HNRNPA2B1: variants seen among roughly 807,000 people sequenced by gnomAD.
HNRNPA2B1 encodes heterogeneous nuclear ribonucleoprotein A2/B1.
Under a neutral mutation model 46.3 loss-of-function variants are expected in HNRNPA2B1, and 3 were observed. That is an observed-to-expected ratio of 0.06 (90% confidence interval 0.03 to 0.17). The LOEUF is 0.17. Ranked by LOEUF, HNRNPA2B1 falls within the 10% of genes least tolerant of loss-of-function variation. The pLI is 1.00. For missense variants in HNRNPA2B1, 221 were observed against 418.9 expected (o/e 0.53, Z 4.12); for synonymous variants, 225 against 133.8 (o/e 1.68, Z -4.70).
chr7:26,194,424 C>T (rs1035006380), intron 7 of HNRNPA2B1, among the ~76,000 whole-genome samples: 3 of 151,800 alleles, frequency 2.0e-5, no homozygotes, highest in African/African-American at 4.8e-5. Context: ...CTTGGCTGGG[C>T]GCAGCAGCTC....
At chr7:26,197,918 A>G (rs938591908) in intron 1 of HNRNPA2B1, 186 bp from the exon 2 acceptor site, 14 of 1,410,356 alleles carry the variant, frequency 9.9e-6, no homozygotes, top group Admixed American at 4.5e-5. Flanking sequence ...GTTAAACTGC[A>G]TATTAGTTGT....
intron 4 of HNRNPA2B1, 50 bp downstream of exon 4, chr7:26,196,757 A>G: frequency 1.3e-6 from 2 of 1,578,456 alleles, no homozygotes; most frequent in African/African-American, 2.7e-5. Flanking sequence ...TAACATACAC[A>G]AAATTGAATA....
At chr7:26,192,414 T>TA (rs1310343632) in intron 10 of HNRNPA2B1, 76 bp from the exon 11 acceptor site, 1 of 918,814 alleles carries the variant, frequency 1.1e-6, no homozygotes, top group Non-Finnish European at 1.8e-6. Context: ...TAAGGAAAGA[T>TA]AACATGATCC....
At position 26,190,982 on chromosome 7, in the gene HNRNPA2B1, C is replaced by T. The variant is rs1200529073; in HGVS notation, c.*1378G>A. 6.6e-6 allele frequency: 1 copy of T among 152,604 alleles called. No homozygotes were observed. Among genetic ancestry groups the T allele is most frequent in the Admixed American group, 6.5e-5 (1 of 15,280 alleles). 9.5% of individuals were successfully genotyped at this position (152,604 alleles called of 1,614,324 possible). ...ATGATTTATTGAACTTGCAGCCTAA[C>T]TTTTACCTACCATTTTACTACCAAC... On this transcript the variant is annotated 3_prime_UTR_variant, in exon 11 of 11. Coordinates refer to ENST00000618183, the MANE Select transcript of HNRNPA2B1 (RefSeq NM_002137.4).
chr7:26,198,130 A>G, intron 1 of HNRNPA2B1: 1 of 324,966 alleles, frequency 3.1e-6, no homozygotes, highest in Non-Finnish European at 5.5e-6. Context: ...CAACCTAAAA[A>G]CGCAAATTTC....
intron 9 of HNRNPA2B1, 126 bp downstream of exon 9, chr7:26,193,125 C>T: frequency 1.1e-6 from 1 of 917,068 alleles, no homozygotes; most frequent in Non-Finnish European, 1.6e-6. Flanking sequence ...TCTTTATTTT[C>T]ACTAAGACCG....
In HNRNPA2B1 at chr7:26,200,714, C is replaced by G. The variant is rs1004869873; in HGVS notation, c.-137G>C. On this transcript the variant is annotated 5_prime_UTR_variant, in exon 1 of 11. Transcript: ENST00000618183. ...GCTCGAGAAACAACTCTGCGAGGAGCACCTCCGCACGGGACCCGGCGCTGC... is the reference window on the plus strand; with the variant it reads ...GCTCGAGAAACAACTCTGCGAGGAGGACCTCCGCACGGGACCCGGCGCTGC... 19 of 1,091,486 alleles carry G rather than the reference C, an allele frequency of 1.7e-5. No homozygotes were observed. The highest frequency in any genetic ancestry group is 2.4e-5 in the Non-Finnish European group (17 of 717,180). 67.6% of individuals were successfully genotyped at this position (1,091,486 alleles called of 1,614,324 possible).
In HNRNPA2B1 at chr7:26,190,903, A is replaced by C. The variant is rs1782839936; in HGVS notation, c.*1457T>G. On this transcript the variant is annotated 3_prime_UTR_variant, in exon 11 of 11. Coordinates refer to ENST00000618183, the MANE Select transcript of HNRNPA2B1 (RefSeq NM_002137.4). ...TTAATAAAAACCCCTAGTTCACTCAAAATGTTTGATCCAAGAAATGTGAAT... is the reference window on the plus strand; with the variant it reads ...TTAATAAAAACCCCTAGTTCACTCACAATGTTTGATCCAAGAAATGTGAAT... The C allele has an allele frequency of 6.6e-6, 1 of 152,648 alleles. No individual in the cohort carries two copies. Among genetic ancestry groups the C allele is most frequent in the South Asian group, 2.1e-4 (1 of 4,832 alleles). 9.5% of individuals were successfully genotyped at this position (152,648 alleles called of 1,614,324 possible).
Position 26,195,921 on chromosome 7 carries a change from CAA to C in HNRNPA2B1, c.659-14_659-13del, listed in dbSNP as rs754016775. The C allele has an allele frequency of 2.5e-6, 4 of 1,595,776 alleles. No individual in the cohort carries two copies. The highest frequency in any genetic ancestry group is 2.3e-5 in the South Asian group (2 of 87,682). ...ACTGCCATATCCATCTGTTAGGGGCCAAAAAAAGATTACGTTTACTATAAACT... is the reference window on the plus strand; with the variant it reads ...ACTGCCATATCCATCTGTTAGGGGCCAAAAAGATTACGTTTACTATAAACT... On this transcript the variant is annotated splice_polypyrimidine_tract_variant and intron_variant, in intron 6 of 10. Coordinates refer to ENST00000618183, the MANE Select transcript of HNRNPA2B1 (RefSeq NM_002137.4).
At position 26,194,952 on chromosome 7, in the gene HNRNPA2B1, G is replaced by A. The variant is rs543289272; in HGVS notation, c.721+895C>T. Among the ~76,000 whole-genome samples, 9 of 151,440 alleles carry A rather than the reference G, an allele frequency of 5.9e-5. No homozygotes were observed. In the East Asian group the frequency reaches 1.8e-3, roughly 29 times the overall value. ...CTACTAAAAATACTAAAATTAGCTG[G>A]GCGTGGTGGTGCACGCCGGTAATCC... On this transcript the variant is annotated intron_variant, in intron 7 of 10. Transcript: ENST00000618183.
intron 7 of HNRNPA2B1, chr7:26,195,579 G>A (rs377171388): frequency 2.4e-6 from 1 of 414,666 alleles, no homozygotes. Context: ...CACGTACAAA[G>A]ATATATCTAG....
rs1373635424 is a variant in HNRNPA2B1 at position 26,193,261 on chromosome 7, T to A, written c.954A>T (p.Pro318=). ...ATTTTTATAAATTACCTCCACCATA[T>A]GGTCCCCCCATGTTCCTGCTACCAC... ...NFGGSRNMGG[P]YGGGNYGPGG... is the part of the protein sequence containing the mutation. Residue 318 remains proline, a synonymous_variant, in exon 9 of 11, where the codon CCA becomes CCT. Coordinates refer to ENST00000618183, the MANE Select transcript of HNRNPA2B1 (RefSeq NM_002137.4). 1.9e-6 allele frequency: 3 copies of A among 1,612,870 alleles called. No individual in the cohort carries two copies. Among genetic ancestry groups the A allele is most frequent in the Non-Finnish European group, 2.5e-6 (3 of 1,179,588 alleles).
chr7:26,196,513 C>G lies in HNRNPA2B1; in HGVS notation c.578-32G>C, dbSNP rs756856297. Reference sequence around the variant, plus strand: ...TAAATGCCCCAGTTAGAAGCAAGCCCTTATATATGAACAAAAATAAAGAAG... The same window carrying G: ...TAAATGCCCCAGTTAGAAGCAAGCCGTTATATATGAACAAAAATAAAGAAG... On this transcript the variant is annotated intron_variant, in intron 5 of 10. Coordinates refer to ENST00000618183, the MANE Select transcript of HNRNPA2B1 (RefSeq NM_002137.4). 2.5e-6 allele frequency: 4 copies of G among 1,612,974 alleles called. No homozygotes were observed. In the Admixed American group the frequency reaches 5.0e-5, roughly 20 times the overall value.
chr7:26,195,307 A>T (rs747655217), intron 7 of HNRNPA2B1, among the ~76,000 whole-genome samples: 7 of 152,158 alleles, frequency 4.6e-5, no homozygotes, highest in Non-Finnish European at 1.0e-4. Context: ...CCTTGTTACA[A>T]AATCTGTCAG....
At position 26,193,306 on chromosome 7, in the gene HNRNPA2B1, T is replaced by C. The variant is rs929032148; in HGVS notation, c.909A>G (p.Pro303=). 2 of 1,612,824 alleles carry C rather than the reference T, an allele frequency of 1.2e-6. No individual in the cohort carries two copies. Among genetic ancestry groups the C allele is most frequent in the African/African-American group, 2.7e-5 (2 of 74,892 alleles). Residue 303 remains proline (P), a synonymous_variant, in exon 9 of 11, where the codon CCA becomes CCG. Coordinates refer to ENST00000618183, the MANE Select transcript of HNRNPA2B1 (RefSeq NM_002137.4). ...TACCACCAAAGTTTCCACTCTTCAT[T>C]GGACCGTAGTTAGAAGGTTGCTGGT... ...NYNQQPSNYG[P]MKSGNFGGSR...
At chr7:26,198,553 T>C (rs1414830658) in intron 1 of HNRNPA2B1, 2 of 152,224 alleles carry the variant, frequency 1.3e-5, no homozygotes, top group African/African-American at 4.8e-5. Context: ...AGATAACAAT[T>C]ACTGAAAGCT....
chr7:26,197,525 T>G (rs938649508), intron 2 of HNRNPA2B1, 64 bp from the exon 3 acceptor site: 1 of 1,582,166 alleles, frequency 6.3e-7, no homozygotes, highest in Non-Finnish European at 8.7e-7. Context: ...GAAGTCATAA[T>G]AGAATTTTTT....
rs1784344964 is a variant in HNRNPA2B1, at chr7:26,200,734, C to A, written c.-157G>T. On this transcript the variant is annotated 5_prime_UTR_variant, in exon 1 of 11. Coordinates refer to ENST00000618183, the MANE Select transcript of HNRNPA2B1 (RefSeq NM_002137.4). The stretch of plus-strand genomic sequence containing the variant: ...AGGAGCACCTCCGCACGGGACCCGG[C>A]GCTGCTGCTACTGCCGCTAGAGCCG... The A allele has an allele frequency of 1.1e-6, 1 of 907,120 alleles. No homozygotes were observed. The highest frequency in any genetic ancestry group is 2.4e-5 in the East Asian group (1 of 40,918). The allele number at this position is 907,120 out of a possible 1,614,324, so 56.2% of individuals were successfully genotyped here.
chr7:26,197,129 T>C lies in HNRNPA2B1; in HGVS notation c.265-112A>G, dbSNP rs571197475. ...TTGTATCCACCTTAAAACTACCAGATATAAAATAGCTTTTAGGGACCTAGC... is the reference window on the plus strand; with the variant it reads ...TTGTATCCACCTTAAAACTACCAGACATAAAATAGCTTTTAGGGACCTAGC... On this transcript the variant is annotated intron_variant, in intron 3 of 10. Coordinates refer to ENST00000618183, the MANE Select transcript of HNRNPA2B1 (RefSeq NM_002137.4). 28 of 1,104,502 alleles carry C rather than the reference T, an allele frequency of 2.5e-5. No individual in the cohort carries two copies. The African/African-American group carries it at 2.7e-4, about 11-fold the overall frequency. 68.4% of individuals were successfully genotyped at this position (1,104,502 alleles called of 1,614,324 possible).
Sources: allele counts gnomAD v4.1 joint callset (sites outside exome capture counted in the v4.1 genomes callset), GRCh38; gene constraint gnomAD v4.1.1; transcripts MANE v1.5; gene names NCBI Gene and HGNC (gene_info 2026-07-23, HGNC 2026-07-21).